TBC1D7: variants seen among roughly 807,000 people sequenced by gnomAD.
TBC1D7 encodes TBC1 domain family member 7, also known as TBC domain family 7.
A neutral mutation model predicts 35.3 loss-of-function variants in TBC1D7; 33 were observed. The observed-to-expected ratio is 0.93, with a 90% CI of 0.71 to 1.25. The LOEUF is 1.25. Among genes scored for constraint, TBC1D7 ranks in the 50% most tolerant of loss-of-function variants. The pLI is 0.00. For synonymous variants in TBC1D7, 135 were observed against 129.5 expected, an observed-to-expected ratio of 1.04 and a Z score of -0.29; for missense variants, 362 against 365.3, an observed-to-expected ratio of 0.99 and a Z score of 0.07.
chr6:13,322,191 C>T (rs906366817), intron 3 of TBC1D7, among the ~76,000 whole-genome samples: 3 of 151,856 alleles, frequency 2.0e-5, no homozygotes, highest in Non-Finnish European at 4.4e-5. Context: ...GAAGTCAAGG[C>T]CATAGTGAGC....
chr6:13,317,678 C>T (rs1357867052), intron 4 of TBC1D7, among the ~76,000 whole-genome samples: 1 of 152,146 alleles, frequency 6.6e-6, no homozygotes, highest in Non-Finnish European at 1.5e-5. Context: ...GGAAAATCTC[C>T]TTTCTTGGAC....
At chr6:13,320,865 G>C in intron 4 of TBC1D7, 43 bp downstream of exon 4, 1 of 1,586,900 alleles carries the variant, frequency 6.3e-7, no homozygotes, top group Non-Finnish European at 8.6e-7. Context: ...AAGATGGGAC[G>C]GTCTAGAGTT....
At chr6:13,321,196 T>A in intron 3 of TBC1D7, 101 bp from the exon 4 acceptor site, 1 of 955,234 alleles carries the variant, frequency 1.0e-6, no homozygotes, top group Non-Finnish European at 1.6e-6. Flanking sequence ...ACCCACACAA[T>A]TAGGCTAGAA....
rs75106716 is a variant in TBC1D7, at chr6:13,313,949, A to C, written c.519+2622T>G. ...ACCATAGGGCCACATGTACAGTATA[A>C]TACTACTTAATGTGATTAATCCCAG... On this transcript the variant is annotated intron_variant, in intron 5 of 7. Transcript: ENST00000379300. Among the ~76,000 whole-genome samples the C allele has an allele frequency of 2.9e-3, 447 of 152,364 alleles. 1 individual carries two copies. The highest frequency in any genetic ancestry group is 7.4e-3 in the African/African-American group (306 of 41,590).
intron 7 of TBC1D7, chr6:13,306,075 T>G (rs1782787236): frequency 4.6e-6 from 1 of 218,722 alleles, no homozygotes; most frequent in Non-Finnish European, 9.0e-6. Flanking sequence ...AGGCCAACTT[T>G]AGGCCAAACT....
chr6:13,305,224 T>G (rs753899796), intron 7 of TBC1D7, 37 bp from the exon 8 acceptor site: 4 of 1,590,366 alleles, frequency 2.5e-6, no homozygotes, highest in Non-Finnish European at 3.5e-6. Context: ...GAAATTTCAG[T>G]GTTGACAACT....
rs1281600274 is a variant in TBC1D7, at chr6:13,328,508, T to TGCCGCTGCCGCTGCC, written c.-236_-222dup. ...CCCGGGAGACAAAACTCAGCGCCGCTGCCGCTGCCGCTGCCGCCGCCGCCG... is the reference window on the plus strand; with the variant it reads ...CCCGGGAGACAAAACTCAGCGCCGCTGCCGCTGCCGCTGCCGCCGCTGCCGCTGCCGCCGCCGCCG... On this transcript the variant is annotated 5_prime_UTR_variant, in exon 1 of 8. Coordinates refer to ENST00000379300, the MANE Select transcript of TBC1D7 (RefSeq NM_016495.6). 1 of 156,022 alleles carries TGCCGCTGCCGCTGCC rather than the reference T, an allele frequency of 6.4e-6. No homozygotes were observed. The allele number at this position is 156,022 out of a possible 1,614,324, so 9.7% of individuals were successfully genotyped here.
chr6:13,327,092 A>G, intron 1 of TBC1D7, 186 bp from the exon 2 acceptor site: 1 of 438,568 alleles, frequency 2.3e-6, no homozygotes, highest in Non-Finnish European at 4.0e-6. Context: ...TATCTCACCT[A>G]TGCATCTTGG....
intron 3 of TBC1D7, among the ~76,000 whole-genome samples, chr6:13,323,034 T>A (rs140221187): frequency 6.6e-6 from 1 of 152,142 alleles, no homozygotes; most frequent in African/African-American, 2.4e-5. Context: ...CAGTGCCTTG[T>A]CCTCAAAAAA....
In TBC1D7 at chr6:13,306,527, C is replaced by A. The variant is rs758125537; in HGVS notation, c.666G>T (p.Arg222Ser). The change falls in exon 7 of 8, where the codon AGG becomes AGT. Residue 222 changes from arginine to serine, a missense_variant and splice_region_variant. Physicochemically the swap from Arg to Ser is moderately radical, Grantham distance 110. Coordinates refer to ENST00000379300, the MANE Select transcript of TBC1D7 (RefSeq NM_016495.6). ...AGCLPESSLQ[R>S]VWDKVVSGSC... Reference sequence around the variant, plus strand: ...ATCCACTCACAACTTTATCCCAAACCCTACAAAAATAAGGAGATATAATCA... The same window carrying A: ...ATCCACTCACAACTTTATCCCAAACACTACAAAAATAAGGAGATATAATCA... The A allele has an allele frequency of 3.8e-6, 6 of 1,582,268 alleles. No homozygotes were observed. The highest frequency in any genetic ancestry group is 5.1e-6 in the Non-Finnish European group (6 of 1,167,862).
intron 4 of TBC1D7, chr6:13,318,341 C>T (rs1201355271): frequency 1.3e-5 from 2 of 152,228 alleles, no homozygotes; most frequent in African/African-American, 4.8e-5. Flanking sequence ...CTCAGAAGCA[C>T]GTCTGCCTGA....
chr6:13,327,502 C>G (rs1241957861), intron 1 of TBC1D7, among the ~76,000 whole-genome samples: 1 of 152,072 alleles, frequency 6.6e-6, no homozygotes, highest in Non-Finnish European at 1.5e-5. Context: ...TAAAAAGCCA[C>G]GAGTTCCTCA....
intron 5 of TBC1D7, among the ~76,000 whole-genome samples, chr6:13,314,861 A>T (rs1344986907): frequency 6.6e-6 from 1 of 152,208 alleles, no homozygotes; most frequent in Non-Finnish European, 1.5e-5. Context: ...AAAAAGGTTT[A>T]TTTTTATAAA....
intron 6 of TBC1D7, chr6:13,307,238 C>T: frequency 1.0e-5 from 2 of 194,112 alleles, no homozygotes; most frequent in South Asian, 1.8e-4. Context: ...AGAACTTAGT[C>T]AAATCTTTGA....
Position 13,305,068 on chromosome 6 carries a change from G to A in TBC1D7, c.*33C>T, listed in dbSNP as rs780331051. On this transcript the variant is annotated 3_prime_UTR_variant, in exon 8 of 8. Coordinates refer to ENST00000379300, the MANE Select transcript of TBC1D7 (RefSeq NM_016495.6). ...CCAAGAACACAATGCTCACTGTGGT[G>A]CCTGGCAGACGGTCCACAACCAGCG... 17 of 1,537,104 alleles carry A rather than the reference G, an allele frequency of 1.1e-5. No homozygotes were observed. In the South Asian group the frequency reaches 1.8e-4, roughly 16 times the overall value.
intron 5 of TBC1D7, among the ~76,000 whole-genome samples, chr6:13,309,049 C>G (rs1427691498): frequency 6.6e-6 from 1 of 152,188 alleles, no homozygotes; most frequent in Non-Finnish European, 1.5e-5. Flanking sequence ...GTCCAGCTTT[C>G]CCCTTTCTGT....
chr6:13,306,316 A>T, intron 7 of TBC1D7, 82 bp downstream of exon 7: 1 of 1,312,186 alleles, frequency 7.6e-7, no homozygotes, highest in Non-Finnish European at 1.0e-6. Flanking sequence ...TATTTCTCTG[A>T]AATAATCTAA....
At chr6:13,317,636 A>C (rs1416753400) in intron 4 of TBC1D7, among the ~76,000 whole-genome samples, 2 of 152,248 alleles carry the variant, frequency 1.3e-5, no homozygotes, top group East Asian at 3.8e-4. Context: ...GTGTCAAAGG[A>C]GAATGGAAAA....
rs199641483 is a variant in TBC1D7, at chr6:13,307,777, T to C, written c.520-32A>G. ...ATTAAGCAAGAACAGAGATTATTCA[T>C]TTTCTGTGTCATAACATCATCTGAT... On this transcript the variant is annotated intron_variant, in intron 5 of 7. Transcript: ENST00000379300. 647 of 1,598,674 alleles carry C rather than the reference T, an allele frequency of 4.0e-4. No individual in the cohort carries two copies. The African/African-American group carries it at 7.5e-3, about 19-fold the overall frequency.
Sources: gnomAD v4.1 joint callset for allele counts (sites outside exome capture counted in the v4.1 genomes callset) on GRCh38, gnomAD v4.1.1 for gene constraint, MANE v1.5 for transcripts, NCBI Gene and HGNC (gene_info 2026-07-23, HGNC 2026-07-21) for gene names.